Variants in ERBB4 observed in about 807,000 individuals in gnomAD.
The protein encoded by ERBB4 is erb-b2 receptor tyrosine kinase 4.
In ERBB4, 42 loss-of-function variants were observed where a neutral mutation model predicts 158.0. The ratio of observed to expected loss-of-function variants is 0.27; its 90% CI spans 0.21 to 0.34. The LOEUF (loss-of-function observed/expected upper bound fraction) is 0.34. ERBB4 is among the 10% of genes least tolerant of loss of function. The pLI is 1.00. For synonymous variants in ERBB4, 583 were observed against 558.7 expected (o/e 1.04, Z -0.61); for missense variants, 1,333 against 1,624.1 (o/e 0.82, Z 3.08).
chr2:211,778,626 C>T (rs899994606), intron 4 of ERBB4: 2 of 152,142 alleles, frequency 1.3e-5, no homozygotes, highest in African/African-American at 4.8e-5. Flanking sequence ...TGGAAGCCGG[C>T]GCTGGAACCG....
chr2:211,691,658 G>C (rs894317596), intron 12 of ERBB4, among the ~76,000 whole-genome samples: 1 of 151,392 alleles, frequency 6.6e-6, no homozygotes, highest in Admixed American at 6.6e-5. Flanking sequence ...TCTTAACTTA[G>C]TGGGCAAATG....
intron 18 of ERBB4, among the ~76,000 whole-genome samples, chr2:211,622,302 G>T (rs1197761549): frequency 6.6e-6 from 1 of 151,988 alleles, no homozygotes; most frequent in Non-Finnish European, 1.5e-5. Flanking sequence ...TTGTTTCTTT[G>T]AACATATACA....
chr2:211,861,124 TTA>T (rs143515103), intron 3 of ERBB4, among the ~76,000 whole-genome samples: 1,039 of 20,236 alleles, frequency 0.051, 131 homozygotes, highest in African/African-American at 0.13. Context: ...TATATATATT[TTA>T]TATATATATA....
intron 3 of ERBB4, among the ~76,000 whole-genome samples, chr2:211,860,147 C>T (rs914722014): frequency 1.3e-5 from 2 of 152,070 alleles, no homozygotes; most frequent in African/African-American, 2.4e-5. Flanking sequence ...TATTGTAAGT[C>T]GCAAACTTCT....
At chr2:211,481,777 G>T (rs1355267100) in intron 20 of ERBB4, among the ~76,000 whole-genome samples, 2 of 152,032 alleles carry the variant, frequency 1.3e-5, no homozygotes, top group Non-Finnish European at 1.5e-5. Flanking sequence ...ATTGAAACTA[G>T]ATATGATCAG....
chr2:211,957,301 T>C (rs1490162918), intron 2 of ERBB4, among the ~76,000 whole-genome samples: 1 of 151,996 alleles, frequency 6.6e-6, no homozygotes, highest in Non-Finnish European at 1.5e-5. Context: ...GGCACAGACA[T>C]GACAAGAAAA....
At chr2:211,396,889 G>GC (rs2062931095) in intron 25 of ERBB4, among the ~76,000 whole-genome samples, 1 of 152,154 alleles carries the variant, frequency 6.6e-6, no homozygotes, top group East Asian at 1.9e-4. Flanking sequence ...CTACCAGGTG[G>GC]CACAGCTGTT....
At chr2:212,043,755 T>C (rs927626249) in intron 2 of ERBB4, among the ~76,000 whole-genome samples, 1 of 152,086 alleles carries the variant, frequency 6.6e-6, no homozygotes, top group Admixed American at 6.6e-5. Flanking sequence ...CTCCAACACT[T>C]ACTACATTTG....
chr2:211,822,340 T>C (rs935169978), intron 3 of ERBB4, among the ~76,000 whole-genome samples: 11 of 152,038 alleles, frequency 7.2e-5, no homozygotes, highest in African/African-American at 2.2e-4. Context: ...ATGGATATGC[T>C]AATTAGTCTG....
At chr2:211,862,378 T>C (rs2078080725) in intron 3 of ERBB4, among the ~76,000 whole-genome samples, 1 of 152,208 alleles carries the variant, frequency 6.6e-6, no homozygotes. Flanking sequence ...ACTATATTTT[T>C]AATTCAGTAG....
chr2:211,541,570 GTCTT>G (rs1048928189), intron 20 of ERBB4, among the ~76,000 whole-genome samples: 2 of 151,976 alleles, frequency 1.3e-5, no homozygotes, highest in Admixed American at 1.3e-4. Flanking sequence ...TGGGGAAAAA[GTCTT>G]TATAATAGGT....
intron 1 of ERBB4, among the ~76,000 whole-genome samples, chr2:212,232,544 G>A (rs1431861021): frequency 6.6e-6 from 1 of 152,092 alleles, no homozygotes; most frequent in Non-Finnish European, 1.5e-5. Context: ...GAGTAACTGG[G>A]ACTACAGGCG....
intron 1 of ERBB4, among the ~76,000 whole-genome samples, chr2:212,477,997 T>C (rs1379704904): frequency 6.6e-6 from 1 of 152,124 alleles, no homozygotes; most frequent in Non-Finnish European, 1.5e-5. Context: ...GTCATTCATT[T>C]TGTCTTTACA....
intron 25 of ERBB4, among the ~76,000 whole-genome samples, chr2:211,402,817 CA>C (rs2063072801): frequency 6.6e-6 from 1 of 152,086 alleles, no homozygotes; most frequent in South Asian, 2.1e-4. Flanking sequence ...CCACCCCATC[CA>C]TCTTGATGTT....
intron 1 of ERBB4, among the ~76,000 whole-genome samples, chr2:212,152,532 G>T (rs954051443): frequency 2.6e-5 from 4 of 151,826 alleles, no homozygotes; most frequent in African/African-American, 9.7e-5. Flanking sequence ...TTAAATATTT[G>T]CTTGTAGAAC....
intron 1 of ERBB4, among the ~76,000 whole-genome samples, chr2:212,232,352 A>G (rs113129470): frequency 6.6e-6 from 1 of 152,230 alleles, no homozygotes; most frequent in Non-Finnish European, 1.5e-5. Context: ...GGAAAACAAT[A>G]AATCTACTTA....
At chr2:211,545,797 G>C (rs1021710337) in intron 20 of ERBB4, among the ~76,000 whole-genome samples, 1 of 152,040 alleles carries the variant, frequency 6.6e-6, no homozygotes, top group African/African-American at 2.4e-5. Flanking sequence ...AATTAGCCTT[G>C]TCAAGGCAGG....
chr2:211,846,873 TAATAGCATTC>T (rs2106018946), intron 3 of ERBB4, among the ~76,000 whole-genome samples: 1 of 152,284 alleles, frequency 6.6e-6, no homozygotes, highest in East Asian at 1.9e-4. Flanking sequence ...ATTTCACATC[TAATAGCATTC>T]AACTGTAACA....
chr2:211,467,842 C>T (rs1042327096), intron 20 of ERBB4, among the ~76,000 whole-genome samples: 3 of 152,122 alleles, frequency 2.0e-5, no homozygotes, highest in African/African-American at 7.2e-5. Context: ...GACTTAAACC[C>T]TAGATCAGCA....
Sources: gnomAD v4.1 joint callset for allele counts (sites outside exome capture counted in the v4.1 genomes callset) on GRCh38, gnomAD v4.1.1 for gene constraint, MANE v1.5 for transcripts, NCBI Gene and HGNC (gene_info 2026-07-23, HGNC 2026-07-21) for gene names.